Variants in ANO2 observed in about 807,000 individuals in gnomAD.
ANO2 encodes anoctamin 2.
Under a neutral mutation model 124.2 loss-of-function variants are expected in ANO2, and 101 were observed. The observed-to-expected ratio is 0.81, with a 90% confidence interval of 0.69 to 0.96. The LOEUF is 0.96. Among genes scored for constraint, ANO2 ranks in the 40% least tolerant of loss-of-function variants. The pLI is 0.00. For synonymous variants in ANO2, 486 were observed against 482.5 expected (o/e 1.01, Z -0.09); for missense variants, 1,293 against 1,274.5 (o/e 1.01, Z -0.22).
At chr12:5,854,899 T>C (rs1195618085) in intron 3 of ANO2, among the ~76,000 whole-genome samples, 4 of 151,524 alleles carry the variant, frequency 2.6e-5, no homozygotes, top group Non-Finnish European at 4.4e-5. Context: ...TGTCAGATTA[T>C]GAGAGGAAGG....
intron 3 of ANO2, among the ~76,000 whole-genome samples, chr12:5,916,341 T>C (rs1271747019): frequency 6.8e-6 from 1 of 146,902 alleles, no homozygotes; most frequent in Admixed American, 6.7e-5. Context: ...ATCTGAAAAA[T>C]AAAGTGCTAG....
At chr12:5,676,286 G>C (rs1211345145) in intron 14 of ANO2, among the ~76,000 whole-genome samples, 2 of 152,198 alleles carry the variant, frequency 1.3e-5, no homozygotes, top group African/African-American at 4.8e-5. Flanking sequence ...AGAACACTCA[G>C]CCATGGCTTA....
At chr12:5,643,924 T>C (rs552822618) in intron 15 of ANO2, among the ~76,000 whole-genome samples, 1 of 152,296 alleles carries the variant, frequency 6.6e-6, no homozygotes, top group African/African-American at 2.4e-5. Context: ...TTAAGAAAAA[T>C]TCTTTGAGAG....
At chr12:5,704,538 G>A (rs1464378557) in intron 14 of ANO2, among the ~76,000 whole-genome samples, 2 of 152,162 alleles carry the variant, frequency 1.3e-5, no homozygotes. Flanking sequence ...ACTGAACTTT[G>A]TAATGCAGCA....
At chr12:5,657,784 T>TC (rs11428058) in intron 14 of ANO2, among the ~76,000 whole-genome samples, 669 of 29,616 alleles carry the variant, frequency 0.023, 6 homozygotes, top group Non-Finnish European at 0.052. Context: ...AGATTAATAA[T>TC]CTGGCAGCCA....
At chr12:5,760,813 TC>T (rs2137106735) in intron 10 of ANO2, among the ~76,000 whole-genome samples, 1 of 152,168 alleles carries the variant, frequency 6.6e-6, no homozygotes, top group East Asian at 1.9e-4. Context: ...TCCCAGAAAA[TC>T]CTTTAAACGT....
intron 10 of ANO2, among the ~76,000 whole-genome samples, chr12:5,770,916 C>T (rs943703406): frequency 2.0e-5 from 3 of 152,180 alleles, no homozygotes; most frequent in Non-Finnish European, 4.4e-5. Context: ...ATGCTCACTC[C>T]CCTACCTCCT....
At chr12:5,912,814 C>A (rs1941132748) in intron 3 of ANO2, among the ~76,000 whole-genome samples, 1 of 152,232 alleles carries the variant, frequency 6.6e-6, no homozygotes, top group Admixed American at 6.5e-5. Context: ...AGAGGGAAAT[C>A]ATCGCATCTT....
At chr12:5,747,944 G>A (rs1005026933) in intron 11 of ANO2, among the ~76,000 whole-genome samples, 1 of 152,236 alleles carries the variant, frequency 6.6e-6, no homozygotes, top group African/African-American at 2.4e-5. Flanking sequence ...ATGCAAGAAT[G>A]TGTGTGAATG....
At chr12:5,754,476 T>G (rs149470065) in intron 10 of ANO2, among the ~76,000 whole-genome samples, 11 of 152,334 alleles carry the variant, frequency 7.2e-5, no homozygotes. Flanking sequence ...TTGGAAGACT[T>G]TAAGAAGTAT....
chr12:5,702,634 C>T (rs1215904057), intron 14 of ANO2, among the ~76,000 whole-genome samples: 3 of 150,964 alleles, frequency 2.0e-5, no homozygotes, highest in Non-Finnish European at 2.9e-5. Context: ...GCACTCTATA[C>T]ACAAAAATAA....
intron 3 of ANO2, among the ~76,000 whole-genome samples, chr12:5,874,584 G>C (rs549699432): frequency 1.3e-5 from 2 of 152,152 alleles, no homozygotes; most frequent in South Asian, 4.1e-4. Context: ...AGCTGCGAGC[G>C]TGCACCTCTG....
At chr12:5,680,642 G>T (rs1026886429) in intron 14 of ANO2, among the ~76,000 whole-genome samples, 6 of 152,122 alleles carry the variant, frequency 3.9e-5, no homozygotes, top group African/African-American at 1.4e-4. Flanking sequence ...TAGTGAATTC[G>T]ACATCCCTAG....
At chr12:5,602,889 G>C (rs1286250725) in intron 19 of ANO2, among the ~76,000 whole-genome samples, 1 of 152,160 alleles carries the variant, frequency 6.6e-6, no homozygotes, top group East Asian at 1.9e-4. Flanking sequence ...ACATTCAGAA[G>C]GCAAATAATT....
At chr12:5,698,639 A>G (rs770482031) in intron 14 of ANO2, among the ~76,000 whole-genome samples, 11 of 152,184 alleles carry the variant, frequency 7.2e-5, no homozygotes, top group Admixed American at 2.6e-4. Flanking sequence ...CAGACAATCA[A>G]ATTTCTCCGA....
chr12:5,657,407 T>C (rs1339291075), intron 14 of ANO2, among the ~76,000 whole-genome samples: 1 of 151,950 alleles, frequency 6.6e-6, no homozygotes, highest in Non-Finnish European at 1.5e-5. Context: ...CATGAATATG[T>C]GGAGCGCTTA....
intron 14 of ANO2, among the ~76,000 whole-genome samples, chr12:5,724,263 C>G (rs1417554380): frequency 6.6e-6 from 1 of 152,032 alleles, no homozygotes; most frequent in African/African-American, 2.4e-5. Flanking sequence ...ACGAGAAACC[C>G]TAAGAAGAGG....
chr12:5,798,422 C>G (rs550157232), intron 10 of ANO2, among the ~76,000 whole-genome samples: 1 of 152,152 alleles, frequency 6.6e-6, no homozygotes, highest in African/African-American at 2.4e-5. Context: ...CTGGCCTCCA[C>G]GCGGCTTTCT....
rs1940115653 is a variant in ANO2, at chr12:5,900,512, C to T, written c.534+20528G>A. 6.6e-6 allele frequency among the ~76,000 whole-genome samples: 1 copy of T among 152,102 alleles called. No homozygotes were observed. The highest frequency in any genetic ancestry group is 2.4e-5 in the African/African-American group (1 of 41,398). On this transcript the variant is annotated intron_variant, in intron 3 of 24. Transcript: ENST00000682330. The surrounding 1 kb of genome is among the most constrained non-coding windows in gnomAD (Gnocchi z 4.2). ...GCTAATTAAAGACTCTCAAAGGTCC[C>T]TTCCAACTCTTTCTGAGTCATCGAG...
Sources: allele counts gnomAD v4.1 joint callset (sites outside exome capture counted in the v4.1 genomes callset), GRCh38; gene constraint gnomAD v4.1.1; non-coding constraint Gnocchi (gnomAD v3.1); transcripts MANE v1.5; gene names NCBI Gene and HGNC (gene_info 2026-07-23, HGNC 2026-07-21).